The following VPS13D variants were observed in gnomAD, a reference collection of about 807,000 sequenced individuals.
VPS13D encodes the protein vacuolar protein sorting 13 homolog D.
In VPS13D, 187 loss-of-function variants were observed where a neutral mutation model predicts 461.9. That is an observed-to-expected ratio of 0.40 (90% confidence interval 0.36 to 0.46). VPS13D has a LOEUF of 0.46. Among genes scored for constraint, VPS13D ranks in the 20% least tolerant of loss-of-function variants. VPS13D has a pLI of 0.60. For missense variants in VPS13D, 4,711 were observed against 5,364.9 expected, an observed-to-expected ratio of 0.88 and a Z score of 3.81; for synonymous variants, 1,951 against 1,986.3, an observed-to-expected ratio of 0.98 and a Z score of 0.47.
At position 12,335,757 on chromosome 1, in the gene VPS13D, C is replaced by A; in HGVS notation, c.8481C>A (p.Asp2827Glu). 6.2e-7 allele frequency: 1 copy of A among 1,614,064 alleles called. No homozygotes were observed. Among genetic ancestry groups the A allele is most frequent in the South Asian group, 1.1e-5 (1 of 91,074 alleles). Residue 2827 changes from aspartate (D) to glutamate (E), a missense_variant, in exon 39 of 70, where the codon GAC becomes GAA. Physicochemically the swap from Asp to Glu is conservative, Grantham distance 45. This residue lies in a region of VPS13D where 4,411 missense variants were observed against 4,937.8 expected (regional missense o/e 0.89). Transcript: ENST00000620676. ...ESWMADYCKD[D>E]KDIESAKSED... ...GGATGGCAGATTACTGTAAAGATGA[C>A]AAGGACATAGAGTCAGCTAAATCAG...
At chr1:12,314,817 A>T (rs1363599374) in intron 30 of VPS13D, among the ~76,000 whole-genome samples, 1 of 152,224 alleles carries the variant, frequency 6.6e-6, no homozygotes, top group African/African-American at 2.4e-5. Context: ...AGTGTTCTAT[A>T]TAGAAAGAAC....
chr1:12,372,359 G>A (rs1202739798), intron 54 of VPS13D, among the ~76,000 whole-genome samples: 1 of 152,062 alleles, frequency 6.6e-6, no homozygotes, highest in Non-Finnish European at 1.5e-5. Flanking sequence ...CACTGTGCCA[G>A]GCCTGGTTTT....
chr1:12,456,409 G>A (rs1318430480), intron 66 of VPS13D, among the ~76,000 whole-genome samples: 7 of 151,912 alleles, frequency 4.6e-5, no homozygotes, highest in African/African-American at 1.5e-4. Flanking sequence ...AGGTCGAGGC[G>A]GGTGGATCAT....
At chr1:12,428,743 C>A (rs1197422200) in intron 65 of VPS13D, among the ~76,000 whole-genome samples, 4 of 152,222 alleles carry the variant, frequency 2.6e-5, no homozygotes, top group Admixed American at 2.0e-4. Flanking sequence ...GAAGTGTAAC[C>A]ATTTGTGCAC....
In VPS13D at chr1:12,249,267, C is replaced by A; in HGVS notation, c.492C>A (p.Thr164=). The A allele has an allele frequency of 6.2e-7, 1 of 1,613,748 alleles. No individual in the cohort carries two copies. The part of the protein sequence containing the change: ...DVHLRFEDGV[T]NPSHPFAFGI... ...ATTTACGCTTTGAAGATGGTGTCAC[C>A]AATCCCTCCCATCCTTTTGCTTTTG... The change falls in exon 6 of 70, where the codon ACC becomes ACA. Residue 164 remains threonine, a synonymous_variant. Coordinates refer to ENST00000620676, the MANE Select transcript of VPS13D (RefSeq NM_015378.4).
chr1:12,290,617 C>G (rs186659969), intron 22 of VPS13D, among the ~76,000 whole-genome samples: 2 of 151,190 alleles, frequency 1.3e-5, no homozygotes, highest in African/African-American at 4.9e-5. Context: ...AGCTACTCGG[C>G]GGGGCTGAGG....
At chr1:12,271,168 G>T in intron 17 of VPS13D, 44 bp downstream of exon 17, 1 of 1,611,126 alleles carries the variant, frequency 6.2e-7, no homozygotes, top group Non-Finnish European at 8.5e-7. Flanking sequence ...TGGGGAAGGG[G>T]CAGGAATTCT....
At position 12,460,382 on chromosome 1, in the gene VPS13D, A is replaced by G; in HGVS notation, c.12648A>G (p.Thr4216=). ...CCCAGGCGGTGAGAGACACAGCCAC[A>G]CTCAGCGGCCCCAGGTCAGTGGTGT... ...ETAQAVRDTA[T]LSGPRTQAQR... The change falls in exon 67 of 70, where the codon ACA becomes ACG. Residue 4216 remains threonine, a synonymous_variant. Coordinates refer to ENST00000620676, the MANE Select transcript of VPS13D (RefSeq NM_015378.4). The G allele has an allele frequency of 6.2e-7, 1 of 1,601,056 alleles. No individual in the cohort carries two copies. Among genetic ancestry groups the G allele is most frequent in the Non-Finnish European group, 8.5e-7 (1 of 1,173,362 alleles).
chr1:12,366,987 A>G (rs1172099743), intron 52 of VPS13D, among the ~76,000 whole-genome samples: 1 of 152,180 alleles, frequency 6.6e-6, no homozygotes, highest in African/African-American at 2.4e-5. Context: ...TTTAACCTTG[A>G]TATGTTTTCT....
At chr1:12,452,747 C>T (rs1645278481) in intron 65 of VPS13D, among the ~76,000 whole-genome samples, 1 of 152,216 alleles carries the variant, frequency 6.6e-6, no homozygotes, top group African/African-American at 2.4e-5. Flanking sequence ...ACGTCTTTCC[C>T]AGTAAAATCT....
At chr1:12,289,584 T>C (rs1468266902) in intron 22 of VPS13D, among the ~76,000 whole-genome samples, 2 of 151,996 alleles carry the variant, frequency 1.3e-5, no homozygotes, top group African/African-American at 2.4e-5. Context: ...TTTTCCTTCT[T>C]ACAGCGTATT....
intron 69 of VPS13D, 36 bp from the exon 70 acceptor site, chr1:12,508,857 C>T (rs1557486397): frequency 2.5e-6 from 4 of 1,605,340 alleles, no homozygotes; most frequent in Non-Finnish European, 3.4e-6. Context: ...TTTCCCCATC[C>T]TGGGGACAGG....
At chr1:12,254,306 G>T (rs1640839198) in intron 7 of VPS13D, among the ~76,000 whole-genome samples, 1 of 152,092 alleles carries the variant, frequency 6.6e-6, no homozygotes, top group East Asian at 1.9e-4. Context: ...CTCCCAAAGT[G>T]CTGGGATTAT....
At chr1:12,320,834 G>C (rs1175880895) in intron 32 of VPS13D, among the ~76,000 whole-genome samples, 1 of 152,194 alleles carries the variant, frequency 6.6e-6, no homozygotes, top group Non-Finnish European at 1.5e-5. Flanking sequence ...GAGATCGCTG[G>C]AAACTCCTTT....
chr1:12,259,023 T>A (rs955912329), intron 10 of VPS13D, among the ~76,000 whole-genome samples: 7 of 151,824 alleles, frequency 4.6e-5, no homozygotes, highest in Non-Finnish European at 1.0e-4. Context: ...TTTGGATGAT[T>A]TTCTTTTCTT....
At chr1:12,379,076 A>G (rs1644238860) in intron 56 of VPS13D, among the ~76,000 whole-genome samples, 1 of 152,218 alleles carries the variant, frequency 6.6e-6, no homozygotes, top group Admixed American at 6.5e-5. Context: ...TTCAGTTAAT[A>G]CCTTATTTCC....
chr1:12,252,122 C>T (rs906906314), intron 6 of VPS13D, among the ~76,000 whole-genome samples: 4 of 152,128 alleles, frequency 2.6e-5, no homozygotes, highest in African/African-American at 9.7e-5. Flanking sequence ...TAGATTAGGG[C>T]CTCCACTAAA....
intron 30 of VPS13D, 95 bp downstream of exon 30, chr1:12,314,422 A>G: frequency 4.2e-6 from 5 of 1,181,260 alleles, no homozygotes; most frequent in Non-Finnish European, 6.1e-6. Flanking sequence ...AAACCAAGGA[A>G]TCACTAGACA....
intron 50 of VPS13D, among the ~76,000 whole-genome samples, chr1:12,361,489 G>A (rs1643948830): frequency 1.3e-5 from 2 of 148,258 alleles, no homozygotes; most frequent in African/African-American, 2.5e-5. Context: ...TCCGCCTCCC[G>A]GGTCCACGCC....
Sources: allele counts gnomAD v4.1 joint callset (sites outside exome capture counted in the v4.1 genomes callset), GRCh38; gene constraint gnomAD v4.1.1; regional missense constraint gnomAD v4.1.1; transcripts MANE v1.5; gene names NCBI Gene and HGNC (gene_info 2026-07-23, HGNC 2026-07-21).